The following CTNND1 variants were observed in gnomAD, a reference collection of about 807,000 sequenced individuals.
The protein encoded by CTNND1 is catenin delta-1.
Under a neutral mutation model 112.1 loss-of-function variants are expected in CTNND1, and 16 were observed. The observed-to-expected ratio is 0.14, with a 90% CI of 0.10 to 0.22. The LOEUF is 0.22. CTNND1 is among the 10% of genes least tolerant of loss of function. CTNND1 has a pLI of 1.00. For missense variants in CTNND1, 1,008 were observed against 1,257.0 expected, an observed-to-expected ratio of 0.80 and a Z score of 3.00; for synonymous variants, 420 against 446.5, an observed-to-expected ratio of 0.94 and a Z score of 0.75.
intron 3 of CTNND1, among the ~76,000 whole-genome samples, chr11:57,792,300 GT>G (rs1240355122): frequency 6.6e-6 from 1 of 152,242 alleles, no homozygotes; most frequent in African/African-American, 2.4e-5. Flanking sequence ...GGCTGACTCT[GT>G]GATGTGACTT....
At chr11:57,780,912 A>C (rs554786063) in intron 1 of CTNND1, among the ~76,000 whole-genome samples, 3 of 152,274 alleles carry the variant, frequency 2.0e-5, no homozygotes, top group African/African-American at 7.2e-5. Context: ...CATAGATTGA[A>C]AGTTTGGTGA....
At chr11:57,790,494 G>A (rs1171768624) in intron 2 of CTNND1, among the ~76,000 whole-genome samples, 6 of 129,638 alleles carry the variant, frequency 4.6e-5, no homozygotes, top group East Asian at 2.2e-4. Context: ...TCAGCCTCCC[G>A]AGTTGCTGGG....
intron 14 of CTNND1, 130 bp downstream of exon 14, chr11:57,808,670 G>A (rs1311655622): frequency 1.2e-6 from 1 of 826,352 alleles, no homozygotes; most frequent in East Asian, 3.0e-5. Flanking sequence ...CATAGTTTAT[G>A]AATGCGAGAG....
At chr11:57,804,876 G>T (rs1228109912) in intron 9 of CTNND1, 96 bp downstream of exon 9, 5 of 870,990 alleles carry the variant, frequency 5.7e-6, no homozygotes, top group Non-Finnish European at 9.1e-6. Context: ...AGGCTTTCAA[G>T]TAACATTAAA....
chr11:57,816,381 C>T lies in CTNND1; in HGVS notation c.*73C>T, dbSNP rs1378635754. On this transcript the variant is annotated 3_prime_UTR_variant, in exon 21 of 21. Coordinates refer to ENST00000399050, the MANE Select transcript of CTNND1 (RefSeq NM_001085458.2). ...GGTGGTGAAATTGACTGATGATTTT[C>T]CTTTTTCTTCGCTGGACTATTGTGC... is the stretch of plus-strand genomic sequence containing the variant. The T allele has an allele frequency of 6.3e-7, 1 of 1,591,954 alleles. No homozygotes were observed. The highest frequency in any genetic ancestry group is 1.3e-5 in the African/African-American group (1 of 74,386).
intron 10 of CTNND1, among the ~76,000 whole-genome samples, 187 bp from the exon 11 acceptor site, chr11:57,806,274 A>G (rs2137288215): frequency 6.6e-6 from 1 of 151,996 alleles, no homozygotes; most frequent in East Asian, 1.9e-4. Flanking sequence ...TGAGTGGGGC[A>G]GTGGAAAATG....
At chr11:57,808,576 T>G (rs1304800410) in intron 14 of CTNND1, 36 bp downstream of exon 14, 1 of 1,538,094 alleles carries the variant, frequency 6.5e-7, no homozygotes. Context: ...CCTCAAAATT[T>G]AGTACAGTGT....
rs79148861 is a variant in CTNND1 at position 57,765,951 on chromosome 11, G to A, written c.-214+3832G>A. On this transcript the variant is annotated intron_variant, in intron 1 of 20. Transcript: ENST00000399050. ...TTTGGGAGGTCCAGGTGGGTGGATC[G>A]CTGGGCAACATGGTGAAGACTCCTC... Among the ~76,000 whole-genome samples the A allele has an allele frequency of 9.9e-3, 1,498 of 152,068 alleles. 28 individuals are homozygous for A. The highest frequency in any genetic ancestry group is 0.034 in the African/African-American group (1,427 of 41,474).
Position 57,802,100 on chromosome 11 carries a change from G to T in CTNND1, c.1324G>T (p.Asp442Tyr). The change falls in exon 7 of 21, where the codon GAT becomes TAT. Residue 442 changes from aspartate to tyrosine, a missense_variant. By Grantham distance (160) the Asp-to-Tyr change is radical. Transcript: ENST00000399050. ...LKNISFGRDQ[D>Y]NKIAIKNCDG... The stretch of plus-strand genomic sequence containing the variant: ...GAATATCTCTTTTGGACGTGACCAG[G>T]ATAACAAGATTGCCATAAAAAACTG... 1 of 1,613,998 alleles carries T rather than the reference G, an allele frequency of 6.2e-7. No individual in the cohort carries two copies. The highest frequency in any genetic ancestry group is 8.5e-7 in the Non-Finnish European group (1 of 1,179,884).
Position 57,817,008 on chromosome 11 carries a change from G to A in CTNND1, c.*700G>A. ...AGCCTCATGCCAACCCTGGGCTATT[G>A]CTGCTGCCCCTTAAACACAGGCTGT... On this transcript the variant is annotated 3_prime_UTR_variant, in exon 21 of 21. Transcript: ENST00000399050. The A allele has an allele frequency of 6.5e-6, 1 of 153,712 alleles. No homozygotes were observed. Among genetic ancestry groups the A allele is most frequent in the Non-Finnish European group, 1.5e-5 (1 of 68,896 alleles). The allele number at this position is 153,712 out of a possible 1,614,324, so 9.5% of individuals were successfully genotyped here.
Position 57,793,997 on chromosome 11 carries a change from G to T in CTNND1, c.196-13G>T, listed in dbSNP as rs941453865. On this transcript the variant is annotated splice_polypyrimidine_tract_variant and intron_variant, in intron 3 of 20. Coordinates refer to ENST00000399050, the MANE Select transcript of CTNND1 (RefSeq NM_001085458.2). ...CCACAAAATGAATTGTCTTCTTGTG[G>T]GCTGTGTTTCAGAACGGCCGGTTTG... 1 of 1,613,848 alleles carries T rather than the reference G, an allele frequency of 6.2e-7. No homozygotes were observed. Among genetic ancestry groups the T allele is most frequent in the Non-Finnish European group, 8.5e-7 (1 of 1,179,768 alleles).
chr11:57,764,817 C>G (rs1238068348), intron 1 of CTNND1, among the ~76,000 whole-genome samples: 3 of 152,106 alleles, frequency 2.0e-5, no homozygotes, highest in Non-Finnish European at 2.9e-5. Flanking sequence ...AACAACAGCT[C>G]GAACTAAAAC....
At position 57,815,401 on chromosome 11, in the gene CTNND1, C is replaced by T. The variant is rs11570221; in HGVS notation, c.2709C>T (p.Asn903=). ...TTTTTTTTTTTTAACCAGATAACAA[C>T]TATTCCACACCAAATGAGAGAGGAG... ...MGSNTKSLDN[N]YSTPNERGDH... The change falls in exon 19 of 21, where the codon AAC becomes AAT. Residue 903 remains asparagine (N), a synonymous_variant. Coordinates refer to ENST00000399050, the MANE Select transcript of CTNND1 (RefSeq NM_001085458.2). 1.2e-3 allele frequency: 1,950 copies of T among 1,581,896 alleles called. 20 individuals are homozygous for T. In the African/African-American group the frequency reaches 0.022, roughly 18 times the overall value.
Position 57,815,449 on chromosome 11 carries a change from A to G in CTNND1, c.2757A>G (p.Arg919=). The change falls in exon 19 of 21, where the codon CGA becomes CGG. Residue 919 remains arginine (R), a synonymous_variant. Coordinates refer to ENST00000399050, the MANE Select transcript of CTNND1 (RefSeq NM_001085458.2). ...GAGACCACAATAGAACACTGGATCG[A>G]TCGGGGGATCTAGGCGACATGGAGC... ...ERGDHNRTLD[R]SGDLGDMEPL... 6.2e-7 allele frequency: 1 copy of G among 1,612,826 alleles called. No individual in the cohort carries two copies. Among genetic ancestry groups the G allele is most frequent in the Non-Finnish European group, 8.5e-7 (1 of 1,179,424 alleles).
intron 6 of CTNND1, among the ~76,000 whole-genome samples, chr11:57,799,043 C>T (rs1173183291): frequency 1.3e-5 from 2 of 152,142 alleles, no homozygotes; most frequent in Non-Finnish European, 2.9e-5. Flanking sequence ...AAGCAAATGC[C>T]TTGGTGCTCA....
chr11:57,794,009 G>C lies in CTNND1; in HGVS notation c.196-1G>C, dbSNP rs780684575. Reference sequence around the variant, plus strand: ...TTGTCTTCTTGTGGGCTGTGTTTCAGAACGGCCGGTTTGTGGGCGATGCTG... The same window carrying C: ...TTGTCTTCTTGTGGGCTGTGTTTCACAACGGCCGGTTTGTGGGCGATGCTG... On this transcript the variant is annotated splice_acceptor_variant, in intron 3 of 20. Transcript: ENST00000399050. LOFTEE classifies it high-confidence loss of function. The C allele has an allele frequency of 1.2e-6, 2 of 1,613,978 alleles. No individual in the cohort carries two copies. Among genetic ancestry groups the C allele is most frequent in the Admixed American group, 3.3e-5 (2 of 60,018 alleles).
At chr11:57,789,962 G>GT (rs1266191925) in intron 2 of CTNND1, among the ~76,000 whole-genome samples, 3 of 152,192 alleles carry the variant, frequency 2.0e-5, no homozygotes, top group Non-Finnish European at 2.9e-5. Context: ...TACATGTAGA[G>GT]TTTTTTGTGG....
At position 57,762,092 on chromosome 11, in the gene CTNND1, G is replaced by T. The variant is rs984770103; in HGVS notation, c.-241G>T. ...ATGTATGTACTGACGGGAAAAGGAG[G>T]ATAAGCAAGTCGAATTTTTGTCTTA... On this transcript the variant is annotated 5_prime_UTR_variant, in exon 1 of 21. Transcript: ENST00000399050. 1.0e-6 allele frequency: 1 copy of T among 985,412 alleles called. No individual in the cohort carries two copies. The highest frequency in any genetic ancestry group is 1.7e-5 in the African/African-American group (1 of 57,350). The allele number at this position is 985,412 out of a possible 1,614,324, so 61.0% of individuals were successfully genotyped here.
intron 6 of CTNND1, among the ~76,000 whole-genome samples, chr11:57,797,511 G>T (rs1281984859): frequency 1.7e-4 from 24 of 138,788 alleles, no homozygotes; most frequent in Admixed American, 1.5e-3. Context: ...GATTACAGGC[G>T]TGAGCCACCG....
Sources: gnomAD v4.1 joint callset for allele counts (sites outside exome capture counted in the v4.1 genomes callset) on GRCh38, gnomAD v4.1.1 for gene constraint, MANE v1.5 for transcripts, NCBI Gene and HGNC (gene_info 2026-07-23, HGNC 2026-07-21) for gene names.